Variants in TMEM95 observed in about 807,000 individuals in gnomAD.
TMEM95 encodes sperm-egg fusion protein TMEM95.
In TMEM95, 21 loss-of-function variants were observed where a neutral mutation model predicts 27.7. The ratio of observed to expected loss-of-function variants is 0.76; its 90% CI spans 0.54 to 1.09. TMEM95 has a LOEUF of 1.09. TMEM95 is among the 50% of genes least tolerant of loss of function. TMEM95 has a pLI of 0.00. For missense variants in TMEM95, 203 were observed against 217.9 expected, an observed-to-expected ratio of 0.93 and a Z score of 0.43; for synonymous variants, 77 against 85.7, an observed-to-expected ratio of 0.90 and a Z score of 0.56.
In TMEM95 at chr17:7,356,946, GA is replaced by G. The variant is rs2143021259; in HGVS notation, c.*317del. The stretch of plus-strand genomic sequence containing the variant: ...AATGCCAGGAAAATATCTACAGAAG[GA>G]AAGAATCCCCTACGCCACTCCCACC... On this transcript the variant is annotated 3_prime_UTR_variant, in exon 7 of 7. Coordinates refer to ENST00000576060, the MANE Select transcript of TMEM95 (RefSeq NM_001320436.2). The G allele has an allele frequency of 1.1e-5, 5 of 435,194 alleles. No homozygotes were observed. In the South Asian group the frequency reaches 2.7e-4, roughly 24 times the overall value. 27.0% of individuals were successfully genotyped at this position (435,194 alleles called of 1,614,324 possible).
rs772222402 is a variant in TMEM95 at position 7,356,464 on chromosome 17, T to G, written c.482T>G (p.Leu161Arg). 54 of 1,613,974 alleles carry G rather than the reference T, an allele frequency of 3.3e-5. No homozygotes were observed. Among genetic ancestry groups the G allele is most frequent in the Non-Finnish European group, 4.3e-5 (51 of 1,180,006 alleles). The change falls in exon 6 of 7, where the codon CTG becomes CGG. Residue 161 changes from leucine (L) to arginine (R), a missense_variant. Coordinates refer to ENST00000576060, the MANE Select transcript of TMEM95 (RefSeq NM_001320436.2). Reference sequence around the variant, plus strand: ...GGAGCTTTCCTGCTTCTGGGTGTTCTGAGCCTCCTGGTGGAGTGAGTTTTG... The same window carrying G: ...GGAGCTTTCCTGCTTCTGGGTGTTCGGAGCCTCCTGGTGGAGTGAGTTTTG... The part of the protein sequence containing the change: ...IFGAFLLLGV[L>R]SLLVESHHLQ...
chr17:7,355,374 G>T lies in TMEM95; in HGVS notation c.169+1G>T, dbSNP rs1393422608. On this transcript the variant is annotated splice_donor_variant, in intron 1 of 6. Coordinates refer to ENST00000576060, the MANE Select transcript of TMEM95 (RefSeq NM_001320436.2). LOFTEE classifies it high-confidence loss of function. This position sits in a 1 kb window ranked among gnomAD's most constrained non-coding sequence, Gnocchi z 4.9. ...CCAGACTTCTCGGCCTTTGCCTTAG[G>T]TAGGACCAGACATCCAGGGATGGGC... The T allele has an allele frequency of 6.2e-7, 1 of 1,608,494 alleles. No homozygotes were observed. The highest frequency in any genetic ancestry group is 1.3e-5 in the African/African-American group (1 of 74,732).
Position 7,355,599 on chromosome 17 carries a change from G to T in TMEM95, c.183G>T (p.Met61Ile). The T allele has an allele frequency of 6.4e-7, 1 of 1,556,222 alleles. No homozygotes were observed. Among genetic ancestry groups the T allele is most frequent in the South Asian group, 1.2e-5 (1 of 84,744 alleles). ...CCATCTCCACAGATGAGGTGTCCAT[G>T]AACAAAGTCACAGAGAAGACTCACA... The part of the protein sequence containing the change: ...FSAFALDEVS[M>I]NKVTEKTHRV... The change falls in exon 2 of 7, where the codon ATG becomes ATT. Residue 61 changes from methionine to isoleucine, a missense_variant. Met to Ile is a conservative substitution (Grantham distance 10). Coordinates refer to ENST00000576060, the MANE Select transcript of TMEM95 (RefSeq NM_001320436.2). The surrounding 1 kb of genome is among the most constrained non-coding windows in gnomAD (Gnocchi z 4.9).
chr17:7,355,488 G>A lies in TMEM95; in HGVS notation c.170-98G>A. ...TCTGTGGCCCTTTCTGGACATGCTG[G>A]CCTTTCCCTCTGAGAGAGCTCCATA... On this transcript the variant is annotated intron_variant, in intron 1 of 6. Transcript: ENST00000576060. The surrounding 1 kb of genome is among the most constrained non-coding windows in gnomAD (Gnocchi z 4.9). 1 of 1,531,486 alleles carries A rather than the reference G, an allele frequency of 6.5e-7. No individual in the cohort carries two copies. The highest frequency in any genetic ancestry group is 2.4e-5 in the East Asian group (1 of 41,512). The allele number at this position is 1,531,486 out of a possible 1,614,324, so 94.9% of individuals were successfully genotyped here. A position where few individuals can be genotyped will look rare whatever the true frequency, so the allele number is the denominator to read the frequency against.
Position 7,355,381 on chromosome 17 carries a change from C to T in TMEM95, c.169+8C>T, listed in dbSNP as rs1452592031. The T allele has an allele frequency of 6.2e-7, 1 of 1,605,226 alleles. No homozygotes were observed. The highest frequency in any genetic ancestry group is 8.5e-7 in the Non-Finnish European group (1 of 1,173,846). Reference sequence around the variant, plus strand: ...TCTCGGCCTTTGCCTTAGGTAGGACCAGACATCCAGGGATGGGCCCAGCAA... The same window carrying T: ...TCTCGGCCTTTGCCTTAGGTAGGACTAGACATCCAGGGATGGGCCCAGCAA... On this transcript the variant is annotated splice_region_variant and intron_variant, in intron 1 of 6. Transcript: ENST00000576060. This position sits in a 1 kb window ranked among gnomAD's most constrained non-coding sequence, Gnocchi z 4.9.
chr17:7,357,037 G>GC lies in TMEM95; in HGVS notation c.*408dup, dbSNP rs532125311. ...GCATCTGCCCCAGAAGCTATTCCAG[G>GC]CCCTCCTATGACTGATGGGGAATCC... is the stretch of plus-strand genomic sequence containing the variant. On this transcript the variant is annotated 3_prime_UTR_variant, in exon 7 of 7. Transcript: ENST00000576060. 12 of 259,892 alleles carry GC rather than the reference G, an allele frequency of 4.6e-5. No homozygotes were observed. The highest frequency in any genetic ancestry group is 2.7e-4 in the African/African-American group (12 of 44,908). The allele number at this position is 259,892 out of a possible 1,614,324, so 16.1% of individuals were successfully genotyped here. A position where few individuals can be genotyped will look rare whatever the true frequency, so the allele number is the denominator to read the frequency against.
chr17:7,356,149 G>C (rs376308135), intron 4 of TMEM95, 47 bp from the exon 5 acceptor site: 94 of 1,596,008 alleles, frequency 5.9e-5, no homozygotes, highest in Admixed American at 4.1e-4. Flanking sequence ...AGGCAGGGTG[G>C]AGGCCCGGCC....
chr17:7,355,588 G>A lies in TMEM95; in HGVS notation c.172G>A (p.Glu58Lys). ...SPDFSAFALD[E>K]VSMNKVTEKT... is the part of the protein sequence containing the mutation. ...CTGGTCCTTGCCCATCTCCACAGAT[G>A]AGGTGTCCATGAACAAAGTCACAGA... is the stretch of plus-strand genomic sequence containing the variant. Residue 58 changes from glutamate (E) to lysine (K), a missense_variant and splice_region_variant, in exon 2 of 7, where the codon GAG becomes AAG. Transcript: ENST00000576060. This position sits in a 1 kb window ranked among gnomAD's most constrained non-coding sequence, Gnocchi z 4.9. 1.3e-6 allele frequency: 2 copies of A among 1,555,188 alleles called. No individual in the cohort carries two copies. The highest frequency in any genetic ancestry group is 1.2e-5 in the South Asian group (1 of 84,638).
rs755217035 is a variant in TMEM95 at position 7,355,214 on chromosome 17, C to A, written c.10C>A (p.Leu4Met). The change falls in exon 1 of 7, where the codon CTG becomes ATG. Residue 4 changes from leucine (L) to methionine (M), a missense_variant. Transcript: ENST00000576060. The surrounding 1 kb of genome is among the most constrained non-coding windows in gnomAD (Gnocchi z 4.9). The part of the protein sequence containing the change: MWR[L>M]ALGGVFLAAA... ...TCCCCCAGTGGTCCTCATGTGGAGGCTGGCACTAGGCGGGGTTTTCCTGGC... is the reference window on the plus strand; with the variant it reads ...TCCCCCAGTGGTCCTCATGTGGAGGATGGCACTAGGCGGGGTTTTCCTGGC... The A allele has an allele frequency of 8.7e-6, 14 of 1,612,916 alleles. No individual in the cohort carries two copies. Among genetic ancestry groups the A allele is most frequent in the Non-Finnish European group, 8.5e-7 (1 of 1,179,702 alleles).
chr17:7,356,653 C>A lies in TMEM95; in HGVS notation c.*21C>A, dbSNP rs2073514589. The A allele has an allele frequency of 6.2e-7, 1 of 1,612,420 alleles. No homozygotes were observed. Among genetic ancestry groups the A allele is most frequent in the Non-Finnish European group, 8.5e-7 (1 of 1,179,136 alleles). On this transcript the variant is annotated 3_prime_UTR_variant, in exon 7 of 7. Coordinates refer to ENST00000576060, the MANE Select transcript of TMEM95 (RefSeq NM_001320436.2). ...TGTGAAGACGCTGAAAACCTCCCAG[C>A]CTCCAGCTCTAAGGGGTATGCACTC...
At position 7,355,466 on chromosome 17, in the gene TMEM95, G is replaced by C. The variant is rs957673376; in HGVS notation, c.169+93G>C. 1.3e-6 allele frequency: 2 copies of C among 1,548,782 alleles called. No homozygotes were observed. Among genetic ancestry groups the C allele is most frequent in the African/African-American group, 2.7e-5 (2 of 73,084 alleles). The stretch of plus-strand genomic sequence containing the variant: ...GACCTTCCAGCTGTGCCCTCCATCT[G>C]TGGCCCTTTCTGGACATGCTGGCCT... On this transcript the variant is annotated intron_variant, in intron 1 of 6. Transcript: ENST00000576060. The surrounding 1 kb of genome is among the most constrained non-coding windows in gnomAD (Gnocchi z 4.9).
rs2073473517 is a variant in TMEM95 at position 7,355,389 on chromosome 17, C to T, written c.169+16C>T. On this transcript the variant is annotated intron_variant, in intron 1 of 6. Transcript: ENST00000576060. This position sits in a 1 kb window ranked among gnomAD's most constrained non-coding sequence, Gnocchi z 4.9. ...TTTGCCTTAGGTAGGACCAGACATC[C>T]AGGGATGGGCCCAGCAAGCACTCAC... 3 of 1,601,910 alleles carry T rather than the reference C, an allele frequency of 1.9e-6. No individual in the cohort carries two copies. The East Asian group carries it at 6.7e-5, about 36-fold the overall frequency.
At chr17:7,356,342 C>A (rs369473555) in intron 5 of TMEM95, 50 bp from the exon 6 acceptor site, 5 of 1,607,724 alleles carry the variant, frequency 3.1e-6, no homozygotes, top group Non-Finnish European at 4.2e-6. Context: ...GCTCCCAAGT[C>A]GGTGCGTGTG....
rs1462427473 is a variant in TMEM95 at position 7,355,856 on chromosome 17, C to T, written c.245C>T (p.Ser82Phe). ...TCCCCAGAAATCAAAGAGGCTGTCTCCTCACTCCCTTCATATTGGAGTTGG... is the reference window on the plus strand; with the variant it reads ...TCCCCAGAAATCAAAGAGGCTGTCTTCTCACTCCCTTCATATTGGAGTTGG... ...LRVMEIKEAV[S>F]SLPSYWSWLR... Residue 82 changes from serine to phenylalanine, a missense_variant, in exon 3 of 7, where the codon TCC (serine) becomes TTC (phenylalanine). Physicochemically the swap from Ser to Phe is radical, Grantham distance 155. Transcript: ENST00000576060. This position sits in a 1 kb window ranked among gnomAD's most constrained non-coding sequence, Gnocchi z 4.9. 6.8e-6 allele frequency: 11 copies of T among 1,613,948 alleles called. No homozygotes were observed. Among genetic ancestry groups the T allele is most frequent in the Non-Finnish European group, 9.3e-6 (11 of 1,179,980 alleles).
In TMEM95 at chr17:7,355,582, A is replaced by T. The variant is rs369492209; in HGVS notation, c.170-4A>T. 8.0e-5 allele frequency: 125 copies of T among 1,554,464 alleles called. No homozygotes were observed. The highest frequency in any genetic ancestry group is 1.1e-4 in the Non-Finnish European group (122 of 1,148,352). Reference sequence around the variant, plus strand: ...GAATCGCTGGTCCTTGCCCATCTCCACAGATGAGGTGTCCATGAACAAAGT... The same window carrying T: ...GAATCGCTGGTCCTTGCCCATCTCCTCAGATGAGGTGTCCATGAACAAAGT... On this transcript the variant is annotated splice_region_variant and splice_polypyrimidine_tract_variant and intron_variant, in intron 1 of 6. Coordinates refer to ENST00000576060, the MANE Select transcript of TMEM95 (RefSeq NM_001320436.2). The surrounding 1 kb of genome is among the most constrained non-coding windows in gnomAD (Gnocchi z 4.9).
At chr17:7,356,534 C>T (rs1597663479) in intron 6 of TMEM95, 55 bp downstream of exon 6, 1 of 1,612,016 alleles carries the variant, frequency 6.2e-7, no homozygotes, top group East Asian at 2.2e-5. Context: ...TTCCACCACC[C>T]ATCCTCCCTC....
At position 7,356,707 on chromosome 17, in the gene TMEM95, C is replaced by T; in HGVS notation, c.*75C>T. ...ACTTCCACATCCCTTGGAGGGGAAC[C>T]AGTCAGCCCCTTAGTCCCAGCTCCA... On this transcript the variant is annotated 3_prime_UTR_variant, in exon 7 of 7. Transcript: ENST00000576060. 6.6e-7 allele frequency: 1 copy of T among 1,517,684 alleles called. No homozygotes were observed. Among genetic ancestry groups the T allele is most frequent in the Non-Finnish European group, 9.1e-7 (1 of 1,100,546 alleles). 94.0% of individuals were successfully genotyped at this position (1,517,684 alleles called of 1,614,324 possible). A position where few individuals can be genotyped will look rare whatever the true frequency, so the allele number is the denominator to read the frequency against.
chr17:7,355,478 G>T lies in TMEM95; in HGVS notation c.169+105G>T. 1 of 1,533,952 alleles carries T rather than the reference G, an allele frequency of 6.5e-7. No homozygotes were observed. The highest frequency in any genetic ancestry group is 8.8e-7 in the Non-Finnish European group (1 of 1,135,580). The stretch of plus-strand genomic sequence containing the variant: ...GTGCCCTCCATCTGTGGCCCTTTCT[G>T]GACATGCTGGCCTTTCCCTCTGAGA... On this transcript the variant is annotated intron_variant, in intron 1 of 6. Coordinates refer to ENST00000576060, the MANE Select transcript of TMEM95 (RefSeq NM_001320436.2). The surrounding 1 kb of genome is among the most constrained non-coding windows in gnomAD (Gnocchi z 4.9).
Position 7,355,863 on chromosome 17 carries a change from C to T in TMEM95, c.252C>T (p.Leu84=). ...VMEIKEAVSS[L]PSYWSWLRKT... is the part of the protein sequence containing the mutation. ...AAATCAAAGAGGCTGTCTCCTCACT[C>T]CCTTCATATTGGAGTTGGCTTCGAA... Residue 84 remains leucine, a synonymous_variant, in exon 3 of 7, where the codon CTC becomes CTT. Coordinates refer to ENST00000576060, the MANE Select transcript of TMEM95 (RefSeq NM_001320436.2). The surrounding 1 kb of genome is among the most constrained non-coding windows in gnomAD (Gnocchi z 4.9). 1 of 1,613,958 alleles carries T rather than the reference C, an allele frequency of 6.2e-7. No individual in the cohort carries two copies. The highest frequency in any genetic ancestry group is 8.5e-7 in the Non-Finnish European group (1 of 1,179,980).
Sources: allele counts gnomAD v4.1 joint callset, GRCh38; gene constraint gnomAD v4.1.1; non-coding constraint Gnocchi (gnomAD v3.1); transcripts MANE v1.5; gene names NCBI Gene and HGNC (gene_info 2026-07-23, HGNC 2026-07-21).